The following KLRF1 variants were observed in gnomAD, a reference collection of about 807,000 sequenced individuals.
KLRF1 encodes the protein killer cell lectin-like receptor subfamily F member 1.
In KLRF1, 27 loss-of-function variants were observed where a neutral mutation model predicts 30.7. The ratio of observed to expected loss-of-function variants is 0.88; its 90% CI spans 0.65 to 1.21. The LOEUF (loss-of-function observed/expected upper bound fraction) is 1.21. Among genes scored for constraint, KLRF1 ranks in the 50% most tolerant of loss-of-function variants. The pLI, the probability that KLRF1 is intolerant of heterozygous loss-of-function variation, is 0.00. For synonymous variants in KLRF1, 92 were observed against 89.3 expected (o/e 1.03, Z -0.17); for missense variants, 246 against 259.3 (o/e 0.95, Z 0.35).
intron 1 of KLRF1, among the ~76,000 whole-genome samples, chr12:9,831,165 G>A (rs902325091): frequency 8.6e-5 from 13 of 151,514 alleles, no homozygotes; most frequent in Admixed American, 7.9e-4. Flanking sequence ...ATAAATATAT[G>A]ACTTTTTTAA....
chr12:9,817,701 T>G, the KLRF1 span: 3 of 233,810 alleles, frequency 1.3e-5, no homozygotes, highest in South Asian at 1.8e-4. Flanking sequence ...CACTATATTT[T>G]TGGTCTTTGC....
At chr12:9,812,234 G>A in the KLRF1 span, among the ~76,000 whole-genome samples, 1 of 151,980 alleles carries the variant, frequency 6.6e-6, no homozygotes, top group African/African-American at 2.4e-5. Context: ...ACGTGGTGGC[G>A]GGCGCCTGTA....
chr12:9,833,085 C>A (rs1157734576), intron 2 of KLRF1, among the ~76,000 whole-genome samples: 1 of 152,120 alleles, frequency 6.6e-6, no homozygotes, highest in Non-Finnish European at 1.5e-5. Context: ...GAATGCCTGG[C>A]ATAGAATAGA....
At chr12:9,815,344 T>A in the KLRF1 span, among the ~76,000 whole-genome samples, 2 of 152,214 alleles carry the variant, frequency 1.3e-5, no homozygotes, top group Non-Finnish European at 2.9e-5. Context: ...CTCAACATGC[T>A]ATGGTTTGAT....
chr12:9,836,271 CA>C (rs1322788045), intron 3 of KLRF1, among the ~76,000 whole-genome samples: 2 of 152,006 alleles, frequency 1.3e-5, no homozygotes, highest in Non-Finnish European at 2.9e-5. Context: ...GACCGAGCCC[CA>C]AAAACTAGTC....
Position 9,839,327 on chromosome 12 carries a change from C to G in KLRF1, c.335-2485C>G, listed in dbSNP as rs1032594251. Among the ~76,000 whole-genome samples, 6 of 152,022 alleles carry G rather than the reference C, an allele frequency of 3.9e-5. No homozygotes were observed. In the South Asian group the frequency reaches 1.2e-3, roughly 31 times the overall value. ...GTTCTTAGCTCCCAAATGCCCACCT[C>G]CTAATACCATCATATTGGGAGGCAG... On this transcript the variant is annotated intron_variant, in intron 3 of 5. Coordinates refer to ENST00000617889, the MANE Select transcript of KLRF1 (RefSeq NM_016523.3).
At chr12:9,825,740 G>A (rs532450602), upstream of KLRF1, among the ~76,000 whole-genome samples, 271 of 152,282 alleles carry the variant, frequency 1.8e-3, no homozygotes, top group Non-Finnish European at 2.7e-3. Flanking sequence ...ATAATCTACA[G>A]AATGGGAGAA....
rs375389214 is a variant in KLRF1, at chr12:9,844,408, T to C, written c.588-10T>C. On this transcript the variant is annotated splice_polypyrimidine_tract_variant and intron_variant, in intron 5 of 5. Coordinates refer to ENST00000617889, the MANE Select transcript of KLRF1 (RefSeq NM_016523.3). ...AGTGATTAACAAAGTATTTATTCTC[T>C]CTTCCCTAGATTCTTCATAAAGGGA... The C allele has an allele frequency of 1.4e-6, 2 of 1,436,898 alleles. No homozygotes were observed. Among genetic ancestry groups the C allele is most frequent in the African/African-American group, 1.4e-5 (1 of 71,254 alleles). The allele number at this position is 1,436,898 out of a possible 1,614,324, so 89.0% of individuals were successfully genotyped here.
chr12:9,840,234 T>G (rs922290304), intron 3 of KLRF1, among the ~76,000 whole-genome samples: 1 of 152,082 alleles, frequency 6.6e-6, no homozygotes, highest in African/African-American at 2.4e-5. Flanking sequence ...AGTGTTTATA[T>G]GTAATGAAAA....
At position 9,841,952 on chromosome 12, in the gene KLRF1, G is replaced by T; in HGVS notation, c.474+1G>T. ...AATCATACATGACCAACTTGAAATG[G>T]TAATTGGTCTAGTATCAGGGTTATG... On this transcript the variant is annotated splice_donor_variant, in intron 4 of 5. Transcript: ENST00000617889. LOFTEE classifies it high-confidence loss of function. 6.2e-7 allele frequency: 1 copy of T among 1,610,098 alleles called. No homozygotes were observed. The highest frequency in any genetic ancestry group is 8.5e-7 in the Non-Finnish European group (1 of 1,178,000).
intron 3 of KLRF1, among the ~76,000 whole-genome samples, chr12:9,838,176 A>G: frequency 6.6e-6 from 1 of 152,078 alleles, no homozygotes. Flanking sequence ...ACATAGGGAT[A>G]TGGTGAGCAT....
upstream of KLRF1, among the ~76,000 whole-genome samples, chr12:9,822,798 T>TAA (rs57347520): frequency 0.011 from 1,711 of 148,896 alleles, 33 homozygotes; most frequent in African/African-American, 0.039. Flanking sequence ...TGAAAATCAG[T>TAA]AAAAAAAAAC....
the KLRF1 span, among the ~76,000 whole-genome samples, chr12:9,808,456 C>A: frequency 3.3e-5 from 5 of 151,952 alleles, no homozygotes; most frequent in East Asian, 9.7e-4. Flanking sequence ...TAACTAGGTT[C>A]ATGGTAATCA....
At chr12:9,834,550 G>C (rs1867527376) in intron 3 of KLRF1, among the ~76,000 whole-genome samples, 1 of 152,020 alleles carries the variant, frequency 6.6e-6, no homozygotes, top group Admixed American at 6.6e-5. Flanking sequence ...GTGATATTGT[G>C]GGGTTGTTGG....
chr12:9,831,954 T>C (rs189448277), intron 1 of KLRF1, among the ~76,000 whole-genome samples: 1 of 152,318 alleles, frequency 6.6e-6, no homozygotes, highest in East Asian at 1.9e-4. Flanking sequence ...AAAGTGTTTA[T>C]GTGGATACAC....
intron 3 of KLRF1, among the ~76,000 whole-genome samples, chr12:9,839,043 T>A (rs1346144551): frequency 6.6e-6 from 1 of 152,090 alleles, no homozygotes. Flanking sequence ...GATGAGGCCA[T>A]GTGGATGGGC....
At chr12:9,811,349 T>C in the KLRF1 span, among the ~76,000 whole-genome samples, 1 of 114,216 alleles carries the variant, frequency 8.8e-6, no homozygotes, top group East Asian at 2.7e-4. Context: ...GAGAAAACAT[T>C]TGGAGTGTCA....
At chr12:9,817,974 C>G in the KLRF1 span, 3 of 209,316 alleles carry the variant, frequency 1.4e-5, no homozygotes, top group African/African-American at 7.0e-5. Flanking sequence ...TCATACGAAT[C>G]TTCTGCTGGC....
intron 1 of KLRF1, among the ~76,000 whole-genome samples, chr12:9,827,836 G>A (rs866341679): frequency 6.6e-6 from 1 of 151,840 alleles, no homozygotes; most frequent in African/African-American, 2.4e-5. Flanking sequence ...ACCAGTTTCC[G>A]GCACTATACA....
Sources: gnomAD v4.1 joint callset for allele counts (sites outside exome capture counted in the v4.1 genomes callset) on GRCh38, gnomAD v4.1.1 for gene constraint, MANE v1.5 for transcripts, NCBI Gene and HGNC (gene_info 2026-07-23, HGNC 2026-07-21) for gene names.